DMXL2: variants seen among roughly 807,000 people sequenced by gnomAD.
DMXL2 encodes dmX-like protein 2.
Under a neutral mutation model 331.1 loss-of-function variants are expected in DMXL2, and 103 were observed. The observed-to-expected ratio is 0.31, with a 90% CI of 0.27 to 0.37. The LOEUF (loss-of-function observed/expected upper bound fraction) is 0.37. Among genes scored for constraint, DMXL2 ranks in the 10% least tolerant of loss-of-function variants. DMXL2 has a pLI of 1.00. For synonymous variants in DMXL2, 1,281 were observed against 1,252.1 expected (o/e 1.02, Z -0.49); for missense variants, 3,171 against 3,642.9 (o/e 0.87, Z 3.33).
intron 1 of DMXL2, among the ~76,000 whole-genome samples, chr15:51,603,945 C>T (rs2053403264): frequency 1.3e-5 from 2 of 150,658 alleles, no homozygotes; most frequent in African/African-American, 4.9e-5. Context: ...CAGACAAAAA[C>T]AGTACAGGAG....
intron 13 of DMXL2, among the ~76,000 whole-genome samples, chr15:51,532,867 A>C (rs750500378): frequency 6.6e-6 from 1 of 152,194 alleles, no homozygotes; most frequent in Non-Finnish European, 1.5e-5. Context: ...GGAAGAGATA[A>C]AATTGTTCCC....
intron 1 of DMXL2, among the ~76,000 whole-genome samples, chr15:51,585,376 A>G (rs983387422): frequency 6.6e-6 from 1 of 151,594 alleles, no homozygotes; most frequent in African/African-American, 2.4e-5. Context: ...TTCTGCATCT[A>G]TTGAGATAAT....
chr15:51,465,577 A>G lies in DMXL2; in HGVS notation c.7595T>C (p.Leu2532Pro). The G allele has an allele frequency of 6.3e-7, 1 of 1,598,846 alleles. No individual in the cohort carries two copies. The change falls in exon 31 of 44, where the codon CTG becomes CCG. Residue 2532 changes from leucine (L) to proline (P), a missense_variant. By Grantham distance (98) the Leu-to-Pro change is moderately conservative. Transcript: ENST00000560891. ...AATTCCAAACTCACCAGAGAATTCC[A>G]GTCCAGCAATAGGAAAGAAATTCTT... ...NVKNFFPIAG[L>P]EFSELPVTSP...
At chr15:51,507,081 CTA>C in intron 16 of DMXL2, 51 bp downstream of exon 16, 1 of 1,366,812 alleles carries the variant, frequency 7.3e-7, no homozygotes, top group Non-Finnish European at 9.7e-7. Context: ...AAAGCATATT[CTA>C]TAAAATAAAT....
intron 1 of DMXL2, among the ~76,000 whole-genome samples, chr15:51,591,775 C>A (rs913722267): frequency 6.6e-6 from 1 of 152,200 alleles, no homozygotes; most frequent in Admixed American, 6.5e-5. Flanking sequence ...CGCTGTTCTG[C>A]AGCCTCAGCT....
intron 2 of DMXL2, among the ~76,000 whole-genome samples, chr15:51,571,918 G>A (rs540020642): frequency 1.3e-5 from 2 of 152,002 alleles, no homozygotes; most frequent in African/African-American, 4.8e-5. Context: ...CTAGCAGAAG[G>A]CAAGAAATAA....
intron 9 of DMXL2, among the ~76,000 whole-genome samples, chr15:51,541,743 C>T (rs983780195): frequency 1.3e-5 from 2 of 152,018 alleles, no homozygotes; most frequent in African/African-American, 4.8e-5. Context: ...CCTACATTTC[C>T]ATGTAGAAGG....
Position 51,545,650 on chromosome 15 carries a change from G to A in DMXL2, c.863C>T (p.Thr288Ile). The A allele has an allele frequency of 6.2e-7, 1 of 1,613,732 alleles. No homozygotes were observed. The highest frequency in any genetic ancestry group is 1.1e-5 in the South Asian group (1 of 91,072). ...AGAAAGGCTGCTGGCAATGCTGGAAGTGGTAGTCTCACAAATCTGCTCACC... is the reference window on the plus strand; with the variant it reads ...AGAAAGGCTGCTGGCAATGCTGGAAATGGTAGTCTCACAAATCTGCTCACC... ...LLGEQICETT[T>I]SSIASSLSHA... Residue 288 changes from threonine (T) to isoleucine (I), a missense_variant, in exon 8 of 44, where the codon ACT (threonine) becomes ATT (isoleucine). Around this residue, in one of 7 missense-constraint regions of DMXL2, gnomAD observed 1,674 missense variants for 1,780.2 expected, o/e 0.94. Coordinates refer to ENST00000560891, the MANE Select transcript of DMXL2 (RefSeq NM_001378457.1).
At chr15:51,524,436 A>G (rs2047554244) in intron 13 of DMXL2, among the ~76,000 whole-genome samples, 1 of 152,186 alleles carries the variant, frequency 6.6e-6, no homozygotes, top group African/African-American at 2.4e-5. Context: ...CCTTCATAAG[A>G]ACCAAAAATC....
In DMXL2 at chr15:51,481,207, C is replaced by A. The variant is rs1400624762; in HGVS notation, c.5899G>T (p.Val1967Leu). The change falls in exon 24 of 44, where the codon GTA becomes TTA. Residue 1967 changes from valine (V) to leucine (L), a missense_variant. Val to Leu is a conservative substitution (Grantham distance 32). Around this residue, in one of 7 missense-constraint regions of DMXL2, gnomAD observed 244 missense variants for 251.4 expected, o/e 0.97. Coordinates refer to ENST00000560891, the MANE Select transcript of DMXL2 (RefSeq NM_001378457.1). Reference sequence around the variant, plus strand: ...TTAAGAGGTTCCTCATCAACTTTTACTATTGGCTGACTCCAGTCATACTGT... The same window carrying A: ...TTAAGAGGTTCCTCATCAACTTTTAATATTGGCTGACTCCAGTCATACTGT... ...SSQYDWSQPI[V>L]KVDEEPLNLD... 1 of 1,613,970 alleles carries A rather than the reference C, an allele frequency of 6.2e-7. No individual in the cohort carries two copies. Among genetic ancestry groups the A allele is most frequent in the Non-Finnish European group, 8.5e-7 (1 of 1,179,916 alleles).
intron 18 of DMXL2, 63 bp downstream of exon 18, chr15:51,498,489 A>G: frequency 2.0e-6 from 3 of 1,502,450 alleles, no homozygotes; most frequent in Non-Finnish European, 2.7e-6. Flanking sequence ...ATGAGTCAGT[A>G]TAGAGATAAT....
chr15:51,589,195 G>C (rs2052098961), intron 1 of DMXL2, among the ~76,000 whole-genome samples: 1 of 152,152 alleles, frequency 6.6e-6, no homozygotes, highest in Admixed American at 6.5e-5. Context: ...GAGTGGAGCT[G>C]AAAAGTCATG....
chr15:51,455,843 C>G (rs1245158615), intron 39 of DMXL2, among the ~76,000 whole-genome samples: 1 of 152,174 alleles, frequency 6.6e-6, no homozygotes, highest in African/African-American at 2.4e-5. Flanking sequence ...TTTACTCTCA[C>G]AGTATATTTA....
chr15:51,482,560 C>T (rs1487413224), intron 23 of DMXL2, among the ~76,000 whole-genome samples: 1 of 152,294 alleles, frequency 6.6e-6, no homozygotes, highest in Non-Finnish European at 1.5e-5. Flanking sequence ...CAATGAGGAT[C>T]CTGGTGCCCA....
intron 23 of DMXL2, 46 bp from the exon 24 acceptor site, chr15:51,481,669 G>A: frequency 1.4e-6 from 2 of 1,466,064 alleles, no homozygotes; most frequent in African/African-American, 2.8e-5. Context: ...GTGTTAATAT[G>A]TATTTACATT....
rs374283589 is a variant in DMXL2, at chr15:51,499,967, T to C, written c.3257A>G (p.Tyr1086Cys). 10 of 1,613,914 alleles carry C rather than the reference T, an allele frequency of 6.2e-6. No homozygotes were observed. Among genetic ancestry groups the C allele is most frequent in the Non-Finnish European group, 8.5e-6 (10 of 1,179,960 alleles). ...CSYTGRLAVA[Y>C]KQPIHHNGFV... is the part of the protein sequence containing the mutation. The stretch of plus-strand genomic sequence containing the variant: ...ACCATTATGGTGGATAGGCTGCTTA[T>C]AAGCCACTGCAAGGCGACCTGTGTA... Residue 1086 changes from tyrosine (Y) to cysteine (C), a missense_variant, in exon 18 of 44, where the codon TAT becomes TGT. Tyr to Cys is a radical substitution (Grantham distance 194, BLOSUM62 -2). This residue lies in a region of DMXL2 where 1,674 missense variants were observed against 1,780.2 expected (regional missense o/e 0.94). Transcript: ENST00000560891.
intron 29 of DMXL2, among the ~76,000 whole-genome samples, chr15:51,469,691 ATGT>A (rs1460081275): frequency 2.6e-5 from 4 of 152,190 alleles, no homozygotes; most frequent in East Asian, 1.9e-4. Context: ...ACAAATCTTA[ATGT>A]TGTTATCACT....
At chr15:51,527,912 T>C (rs1321344715) in intron 13 of DMXL2, among the ~76,000 whole-genome samples, 1 of 152,092 alleles carries the variant, frequency 6.6e-6, no homozygotes. Flanking sequence ...AAGATACAAA[T>C]AGTAACAACA....
At chr15:51,619,920 C>G (rs1405179087) in intron 1 of DMXL2, among the ~76,000 whole-genome samples, 2 of 152,190 alleles carry the variant, frequency 1.3e-5, no homozygotes, top group Admixed American at 1.3e-4. Context: ...AGTCACAAGA[C>G]CTTCATTCCA....
Sources: allele counts gnomAD v4.1 joint callset (sites outside exome capture counted in the v4.1 genomes callset), GRCh38; gene constraint gnomAD v4.1.1; regional missense constraint gnomAD v4.1.1; transcripts MANE v1.5; gene names NCBI Gene and HGNC (gene_info 2026-07-23, HGNC 2026-07-21).